Variants in PLB1 observed in about 807,000 individuals in gnomAD.
PLB1 encodes the protein phospholipase B1, membrane-associated.
Under a neutral mutation model 227.4 loss-of-function variants are expected in PLB1, and 242 were observed. The ratio of observed to expected loss-of-function variants is 1.06; its 90% confidence interval spans 0.96 to 1.18. The LOEUF (loss-of-function observed/expected upper bound fraction) is 1.18, where lower values mean the gene tolerates loss of function less well. Among genes scored for constraint, PLB1 ranks in the 50% most tolerant of loss-of-function variants. The probability of loss-of-function intolerance (pLI) is 0.00; values close to 1 mark genes in which losing one functional copy is unlikely to be tolerated. For synonymous variants in PLB1, 757 were observed against 682.2 expected (o/e 1.11, Z -1.71); for missense variants, 1,858 against 1,816.3 (o/e 1.02, Z -0.42).
At chr2:28,510,778 T>TTGTGTG (rs55672002) in intron 1 of PLB1, among the ~76,000 whole-genome samples, 32,626 of 141,398 alleles carry the variant, frequency 0.23, 4,540 homozygotes, top group Middle Eastern at 0.33. Context: ...ACTCAGATAA[T>TTGTGTG]TGTGTGTGTG....
At chr2:28,499,333 G>A (rs952477155) in intron 1 of PLB1, among the ~76,000 whole-genome samples, 2 of 151,934 alleles carry the variant, frequency 1.3e-5, no homozygotes, top group African/African-American at 4.8e-5. Flanking sequence ...ATAAAATAGA[G>A]AATCCAGGCT....
In PLB1 at chr2:28,565,288, T is replaced by C. The variant is rs200787502; in HGVS notation, c.1215T>C (p.Asn405=). The C allele has an allele frequency of 1.2e-5, 19 of 1,611,630 alleles. No homozygotes were observed. In the African/African-American group the frequency reaches 2.3e-4, roughly 19 times the overall value. Residue 405 remains asparagine (N), a synonymous_variant, in exon 19 of 58, where the codon AAT becomes AAC. Coordinates refer to ENST00000327757, the MANE Select transcript of PLB1 (RefSeq NM_153021.5). ...TCATTGTTCCCTCTCAGGCAGGCAATGGGGCCGGGTCCACACCTGGGAACG... is the reference window on the plus strand; with the variant it reads ...TCATTGTTCCCTCTCAGGCAGGCAACGGGGCCGGGTCCACACCTGGGAACG... ...GALGDSLTAG[N]GAGSTPGNVL...
At chr2:28,621,763 G>A (rs923118606) in intron 49 of PLB1, among the ~76,000 whole-genome samples, 1 of 152,192 alleles carries the variant, frequency 6.6e-6, no homozygotes, top group African/African-American at 2.4e-5. Flanking sequence ...AGGAAGCGAT[G>A]TCAGTTCCTC....
chr2:28,621,304 A>G (rs1687024383), intron 49 of PLB1, among the ~76,000 whole-genome samples: 1 of 151,984 alleles, frequency 6.6e-6, no homozygotes, highest in African/African-American at 2.4e-5. Flanking sequence ...TCTGCCCTGG[A>G]CCCGGGCGCT....
chr2:28,642,766 A>C (rs1690113021), intron 57 of PLB1, 92 bp from the exon 58 acceptor site: 17 of 1,109,026 alleles, frequency 1.5e-5, no homozygotes, highest in Non-Finnish European at 2.2e-5. Flanking sequence ...GGGTTATCGC[A>C]GCATCTCAGG....
At chr2:28,594,006 G>A (rs1368870548) in intron 33 of PLB1, 1 of 731,902 alleles carries the variant, frequency 1.4e-6, no homozygotes, top group Non-Finnish European at 2.6e-6. Flanking sequence ...AGACTCCTGG[G>A]TCAGCAAATC....
chr2:28,573,282 G>A lies in PLB1; in HGVS notation c.1410G>A (p.Gln470=). The A allele has an allele frequency of 6.2e-7, 1 of 1,613,878 alleles. No individual in the cohort carries two copies. The highest frequency in any genetic ancestry group is 8.5e-7 in the Non-Finnish European group (1 of 1,179,918). ...KETSPNAFLN[Q]AVAGGRAEDL... ...CCAGTCCTAATGCCTTCTTAAACCA[G>A]GCTGTGGCAGGAGGCCGAGCTGAGT... The change falls in exon 21 of 58, where the codon CAG becomes CAA. Residue 470 remains glutamine (Q), a synonymous_variant. Coordinates refer to ENST00000327757, the MANE Select transcript of PLB1 (RefSeq NM_153021.5).
intron 25 of PLB1, among the ~76,000 whole-genome samples, chr2:28,583,050 C>T (rs1680314385): frequency 6.6e-6 from 1 of 152,132 alleles, no homozygotes; most frequent in Non-Finnish European, 1.5e-5. Flanking sequence ...AGTAGAGAAC[C>T]CTGGTCCTGA....
At chr2:28,635,863 T>C (rs1382809648) in intron 56 of PLB1, among the ~76,000 whole-genome samples, 1 of 152,218 alleles carries the variant, frequency 6.6e-6, no homozygotes, top group East Asian at 1.9e-4. Flanking sequence ...CCAGTGTTTG[T>C]ATCTCCCCAG....
intron 1 of PLB1, among the ~76,000 whole-genome samples, chr2:28,501,306 A>G (rs111922500): frequency 1.3e-5 from 2 of 152,302 alleles, no homozygotes; most frequent in African/African-American, 4.8e-5. Context: ...TGGAATTGCT[A>G]TGACAACACC....
chr2:28,607,227 A>G (rs775612322), intron 43 of PLB1, among the ~76,000 whole-genome samples: 1 of 152,198 alleles, frequency 6.6e-6, no homozygotes, highest in Non-Finnish European at 1.5e-5. Context: ...TTTTAACCAA[A>G]TAAGGCCAAG....
chr2:28,508,767 T>C (rs990675400), intron 1 of PLB1, among the ~76,000 whole-genome samples: 8 of 152,210 alleles, frequency 5.3e-5, no homozygotes, highest in Non-Finnish European at 1.2e-4. Flanking sequence ...CATGCACTTA[T>C]GGCCCTCTGA....
At chr2:28,550,930 C>T (rs1674146389) in intron 16 of PLB1, among the ~76,000 whole-genome samples, 1 of 152,150 alleles carries the variant, frequency 6.6e-6, no homozygotes, top group Non-Finnish European at 1.5e-5. Flanking sequence ...TCAGGACAGG[C>T]TGGGGGAGGG....
intron 3 of PLB1, 73 bp from the exon 4 acceptor site, chr2:28,519,632 C>T: frequency 8.7e-7 from 1 of 1,148,914 alleles, no homozygotes; most frequent in South Asian, 1.3e-5. Flanking sequence ...GTCTCCTCTC[C>T]CATACGGTAT....
rs149470980 is a variant in PLB1 at position 28,620,232 on chromosome 2, C to T, written c.3316-33C>T. The T allele has an allele frequency of 6.1e-4, 930 of 1,536,190 alleles. 8 individuals carry two copies. The Middle Eastern group carries it at 0.024, about 39-fold the overall frequency. On this transcript the variant is annotated intron_variant, in intron 46 of 57. Transcript: ENST00000327757. ...CTCTTCCAGTGCCCTCAGCCTATAC[C>T]CCAGCCCTGAACTTTCTTTTTGCTT...
chr2:28,505,952 A>C (rs1346778945), intron 1 of PLB1, among the ~76,000 whole-genome samples: 1 of 152,070 alleles, frequency 6.6e-6, no homozygotes, highest in Admixed American at 6.6e-5. Context: ...TTGTCTCCAA[A>C]TGTCTGCTTT....
At chr2:28,566,640 G>A in intron 19 of PLB1, 156 bp from the exon 20 acceptor site, 1 of 728,444 alleles carries the variant, frequency 1.4e-6, no homozygotes, top group Non-Finnish European at 2.4e-6. Flanking sequence ...ATTCTGGTTT[G>A]CTTTTTCCGT....
At chr2:28,571,919 GA>G (rs906393690) in intron 20 of PLB1, among the ~76,000 whole-genome samples, 55 of 150,124 alleles carry the variant, frequency 3.7e-4, no homozygotes, top group African/African-American at 1.5e-4. Flanking sequence ...AGTGACAAAA[GA>G]AAAAAAAATC....
chr2:28,611,567 C>A lies in PLB1; in HGVS notation c.3130-2464C>A, dbSNP rs138214323. On this transcript the variant is annotated intron_variant, in intron 43 of 57. Coordinates refer to ENST00000327757, the MANE Select transcript of PLB1 (RefSeq NM_153021.5). Reference sequence around the variant, plus strand: ...CCTCAGCTTCTCAAGTCTGTCTCCCCACCTGAGCCAATTGTGAGTTTCTCT... The same window carrying A: ...CCTCAGCTTCTCAAGTCTGTCTCCCAACCTGAGCCAATTGTGAGTTTCTCT... Among the ~76,000 whole-genome samples the A allele has an allele frequency of 4.7e-3, 717 of 152,326 alleles. 4 individuals carry two copies. Among genetic ancestry groups the A allele is most frequent in the Non-Finnish European group, 5.0e-3 (343 of 68,032 alleles).
Sources: gnomAD v4.1 joint callset for allele counts (sites outside exome capture counted in the v4.1 genomes callset) on GRCh38, gnomAD v4.1.1 for gene constraint, MANE v1.5 for transcripts, NCBI Gene and HGNC (gene_info 2026-07-23, HGNC 2026-07-21) for gene names.